PDE1A: variants seen among roughly 807,000 people sequenced by gnomAD.
PDE1A encodes the protein dual specificity calcium/calmodulin-dependent 3',5'-cyclic nucleotide phosphodiesterase 1A.
In PDE1A, 35 loss-of-function variants were observed where a neutral mutation model predicts 61.7. That is an observed-to-expected ratio of 0.57 (90% CI 0.43 to 0.75). The LOEUF is 0.75. Ranked by LOEUF, PDE1A falls within the 30% of genes least tolerant of loss-of-function variation. PDE1A has a pLI of 0.00. For synonymous variants in PDE1A, 232 were observed against 213.2 expected, an observed-to-expected ratio of 1.09 and a Z score of -0.77; for missense variants, 597 against 630.6, an observed-to-expected ratio of 0.95 and a Z score of 0.57.
chr2:182,220,800 CAATG>C (rs1228779570), intron 7 of PDE1A, among the ~76,000 whole-genome samples: 16 of 151,838 alleles, frequency 1.1e-4, no homozygotes, highest in African/African-American at 3.9e-4. Context: ...ATCCAAGTAA[CAATG>C]AATAATATAA....
At chr2:182,716,700 C>T in the PDE1A span, among the ~76,000 whole-genome samples, 1 of 152,364 alleles carries the variant, frequency 6.6e-6, no homozygotes. Flanking sequence ...CACTTTCTCC[C>T]TAAGTCCGAC....
upstream of PDE1A, among the ~76,000 whole-genome samples, chr2:182,524,607 T>A (rs903822079): frequency 6.6e-6 from 1 of 152,092 alleles, no homozygotes; most frequent in Non-Finnish European, 1.5e-5. Flanking sequence ...AAATAAAATT[T>A]TGAATAATAA....
At chr2:182,459,459 C>T (rs905784608) in intron 2 of PDE1A, among the ~76,000 whole-genome samples, 3 of 152,088 alleles carry the variant, frequency 2.0e-5, no homozygotes, top group Admixed American at 6.6e-5. Context: ...TATGTTCTGC[C>T]TTGAATTCAT....
the PDE1A span, among the ~76,000 whole-genome samples, chr2:182,600,832 C>A: frequency 6.6e-6 from 1 of 152,218 alleles, no homozygotes; most frequent in Admixed American, 6.5e-5. Flanking sequence ...CTACCCAACA[C>A]TGATTCTGGG....
chr2:182,642,946 C>T, the PDE1A span, among the ~76,000 whole-genome samples: 2 of 152,092 alleles, frequency 1.3e-5, no homozygotes, highest in South Asian at 2.1e-4. Context: ...AAGTTGACAC[C>T]CTTAAACTGA....
chr2:182,143,778 G>A (rs2125254927), downstream of PDE1A, among the ~76,000 whole-genome samples: 1 of 152,306 alleles, frequency 6.6e-6, no homozygotes, highest in Admixed American at 6.5e-5. Context: ...GCCTACCAAA[G>A]TGCTGGGATT....
At chr2:182,564,997 AAT>A in the PDE1A span, among the ~76,000 whole-genome samples, 1 of 152,042 alleles carries the variant, frequency 6.6e-6, no homozygotes, top group Non-Finnish European at 1.5e-5. Context: ...CTTTGGTTCA[AAT>A]TTCCTCCTGT....
At chr2:182,561,964 A>G in the PDE1A span, among the ~76,000 whole-genome samples, 6 of 152,062 alleles carry the variant, frequency 3.9e-5, no homozygotes, top group East Asian at 1.9e-4. Flanking sequence ...GGGCTGAGAC[A>G]ATGGTGTTTT....
At chr2:182,701,389 CT>C in the PDE1A span, among the ~76,000 whole-genome samples, 91,050 of 138,964 alleles carry the variant, frequency 0.66, 28,973 homozygotes, top group Middle Eastern at 0.74. Flanking sequence ...GTTTGCTTAA[CT>C]TTTTTTTTTT....
chr2:182,414,104 T>A (rs902616316), intron 1 of PDE1A, among the ~76,000 whole-genome samples: 2 of 151,834 alleles, frequency 1.3e-5, no homozygotes, highest in Non-Finnish European at 2.9e-5. Context: ...CAGAAGACAG[T>A]TGAGATTAAG....
exon 15 of PDE1A, chr2:182,141,582 T>A (rs1355323374): frequency 6.6e-6 from 1 of 152,194 alleles, no homozygotes; most frequent in East Asian, 1.9e-4. Context: ...AAATATATCT[T>A]AAATTACAAT....
chr2:182,436,580 T>C (rs987025572), intron 2 of PDE1A, among the ~76,000 whole-genome samples: 4 of 151,932 alleles, frequency 2.6e-5, no homozygotes, highest in African/African-American at 9.7e-5. Context: ...TACTAGAAAA[T>C]AATAATTTTC....
the PDE1A span, among the ~76,000 whole-genome samples, chr2:182,588,948 T>C: frequency 6.6e-6 from 1 of 150,912 alleles, no homozygotes; most frequent in East Asian, 1.9e-4. Context: ...GAGGCTGAGG[T>C]GGGAGAATCA....
At chr2:182,543,488 ACT>A in the PDE1A span, among the ~76,000 whole-genome samples, 1 of 152,142 alleles carries the variant, frequency 6.6e-6, no homozygotes, top group Admixed American at 6.5e-5. Flanking sequence ...TAAAATTAGG[ACT>A]CAGCTTTGTA....
At chr2:182,187,367 C>CAACAACCT (rs1295039465) in intron 11 of PDE1A, among the ~76,000 whole-genome samples, 2 of 152,254 alleles carry the variant, frequency 1.3e-5, no homozygotes, top group East Asian at 3.9e-4. Flanking sequence ...GAGGAGGAGA[C>CAACAACCT]AACAACCTAT....
At chr2:182,487,274 A>G (rs1323903592) in intron 2 of PDE1A, among the ~76,000 whole-genome samples, 1 of 152,164 alleles carries the variant, frequency 6.6e-6, no homozygotes, top group Non-Finnish European at 1.5e-5. Flanking sequence ...ACCAGGTGCC[A>G]GCGAGAAAGT....
intron 1 of PDE1A, among the ~76,000 whole-genome samples, chr2:182,278,153 G>A (rs992588295): frequency 6.6e-6 from 1 of 151,918 alleles, no homozygotes; most frequent in Non-Finnish European, 1.5e-5. Flanking sequence ...ACCCTTTCCT[G>A]TGTCCCTACA....
At chr2:182,515,011 G>T (rs567180319) in intron 2 of PDE1A, among the ~76,000 whole-genome samples, 1 of 152,240 alleles carries the variant, frequency 6.6e-6, no homozygotes, top group South Asian at 2.1e-4. Flanking sequence ...CTGATATTTT[G>T]ATTTTCATCT....
chr2:182,340,510 A>T (rs996858899), intron 1 of PDE1A, among the ~76,000 whole-genome samples: 2 of 152,196 alleles, frequency 1.3e-5, no homozygotes, highest in Non-Finnish European at 2.9e-5. Flanking sequence ...AACTGCAGAA[A>T]ATGGGAAGTT....
Sources: gnomAD v4.1 joint callset for allele counts (sites outside exome capture counted in the v4.1 genomes callset) on GRCh38, gnomAD v4.1.1 for gene constraint, MANE v1.5 for transcripts, NCBI Gene and HGNC (gene_info 2026-07-23, HGNC 2026-07-21) for gene names.